The following PHF14 variants were observed in gnomAD, a reference collection of about 807,000 sequenced individuals.
PHF14 encodes PHD finger protein 14.
PHF14 carries 55 observed loss-of-function variants against 117.9 expected under a neutral mutation model. The ratio of observed to expected loss-of-function variants is 0.47; its 90% CI spans 0.38 to 0.58. PHF14 has a LOEUF of 0.58. Among genes scored for constraint, PHF14 ranks in the 20% least tolerant of loss-of-function variants. The probability of loss-of-function intolerance (pLI) is 0.00; values close to 1 mark genes in which losing one functional copy is unlikely to be tolerated. For synonymous variants in PHF14, 409 were observed against 368.6 expected (o/e 1.11, Z -1.26); for missense variants, 978 against 1,122.2 (o/e 0.87, Z 1.84).
rs780512816 is a variant in PHF14, at chr7:11,038,842, G to A, written c.2063G>A (p.Arg688Lys). ...EGQGIWALLG[R>K]ITGQKLNIPA... ...CAAGGAATATGGGCTTTACTAGGCA[G>A]AATCACAGGGCAGGTTAGTTTCTTT... The change falls in exon 11 of 18, where the codon AGA becomes AAA. Residue 688 changes from arginine (R) to lysine (K), a missense_variant. Physicochemically the swap from Arg to Lys is conservative, Grantham distance 26. Around this residue, in one of 7 missense-constraint regions of PHF14, gnomAD observed 237 missense variants for 276.4 expected, o/e 0.86. Coordinates refer to ENST00000634607, the MANE Select transcript of PHF14 (RefSeq NM_001007157.2). 5.2e-6 allele frequency: 8 copies of A among 1,547,306 alleles called. No homozygotes were observed. The highest frequency in any genetic ancestry group is 1.7e-4 in the Middle Eastern group (1 of 5,816).
intron 10 of PHF14, among the ~76,000 whole-genome samples, chr7:11,038,447 A>T (rs1218727748): frequency 6.6e-6 from 1 of 150,862 alleles, no homozygotes; most frequent in Non-Finnish European, 1.5e-5. Flanking sequence ...AAAAAAAAAA[A>T]AATAGATCGA....
At chr7:11,100,969 T>G (rs1239006135) in intron 16 of PHF14, among the ~76,000 whole-genome samples, 1 of 151,908 alleles carries the variant, frequency 6.6e-6, no homozygotes, top group Non-Finnish European at 1.5e-5. Context: ...TGTGCATCAG[T>G]GAAGCCCTTT....
intron 17 of PHF14, among the ~76,000 whole-genome samples, chr7:11,140,232 C>T (rs141607553): frequency 5.1e-4 from 77 of 152,182 alleles, no homozygotes; most frequent in African/African-American, 1.7e-3. Context: ...ACGACCCTAC[C>T]GTATATACAC....
chr7:11,073,919 C>A (rs1346284155), intron 16 of PHF14, among the ~76,000 whole-genome samples: 1 of 152,156 alleles, frequency 6.6e-6, no homozygotes, highest in Non-Finnish European at 1.5e-5. Flanking sequence ...ACCTGGGGCT[C>A]TGTGCATCAG....
chr7:11,016,987 T>G (rs1428135793), intron 5 of PHF14, among the ~76,000 whole-genome samples: 1 of 152,186 alleles, frequency 6.6e-6, no homozygotes, highest in Admixed American at 6.6e-5. Context: ...CACAAATAAG[T>G]GAGAACATGT....
intron 13 of PHF14, among the ~76,000 whole-genome samples, chr7:11,045,590 A>G (rs900104574): frequency 2.6e-5 from 4 of 152,194 alleles, no homozygotes; most frequent in African/African-American, 9.7e-5. Context: ...TTCCAGTACC[A>G]GCACTGTTTT....
chr7:11,084,882 C>T (rs1432093727), intron 16 of PHF14, among the ~76,000 whole-genome samples: 1 of 151,940 alleles, frequency 6.6e-6, no homozygotes, highest in Admixed American at 6.6e-5. Context: ...CTGTGAATTG[C>T]CTTTCCATAT....
chr7:11,040,650 C>T, intron 11 of PHF14, 22 bp from the exon 12 acceptor site: 1 of 1,295,150 alleles, frequency 7.7e-7, no homozygotes, highest in East Asian at 2.6e-5. Flanking sequence ...ACAATATATA[C>T]TACATTTGTT....
chr7:10,989,290 A>G (rs1782360209), intron 3 of PHF14, among the ~76,000 whole-genome samples: 1 of 152,314 alleles, frequency 6.6e-6, no homozygotes, highest in East Asian at 1.9e-4. Flanking sequence ...TGCTGTTGAA[A>G]TGATGGCTCC....
chr7:11,054,487 C>T (rs949229366), intron 14 of PHF14, among the ~76,000 whole-genome samples: 1 of 152,050 alleles, frequency 6.6e-6, no homozygotes, highest in Admixed American at 6.6e-5. Flanking sequence ...ATGAGAGATA[C>T]AGAAGGGAGT....
chr7:11,134,698 G>A (rs113238518), intron 17 of PHF14, among the ~76,000 whole-genome samples: 1 of 152,100 alleles, frequency 6.6e-6, no homozygotes, highest in Non-Finnish European at 1.5e-5. Context: ...TCATTTATTG[G>A]TTCAGTCTAT....
intron 16 of PHF14, among the ~76,000 whole-genome samples, chr7:11,079,490 AAT>A: frequency 6.6e-6 from 1 of 152,194 alleles, no homozygotes; most frequent in South Asian, 2.1e-4. Flanking sequence ...GATGTTCTGG[AAT>A]AATAGTAACA....
chr7:11,163,232 T>C (rs571599618), intron 17 of PHF14, among the ~76,000 whole-genome samples: 48 of 152,194 alleles, frequency 3.2e-4, no homozygotes, highest in Non-Finnish European at 5.3e-4. Context: ...GTGACTTTAA[T>C]TTCATAATAT....
At chr7:11,104,952 C>T in intron 16 of PHF14, 1 of 944,978 alleles carries the variant, frequency 1.1e-6, no homozygotes, top group Non-Finnish European at 1.3e-6. Flanking sequence ...CTTAAAAGGT[C>T]CCTTAGATTT....
chr7:11,053,496 A>G (rs1562442041), intron 14 of PHF14, among the ~76,000 whole-genome samples: 1 of 152,078 alleles, frequency 6.6e-6, no homozygotes, highest in Non-Finnish European at 1.5e-5. Flanking sequence ...TATTTCTAAA[A>G]TATTTTCTAT....
intron 12 of PHF14, among the ~76,000 whole-genome samples, chr7:11,041,468 A>G (rs1302236364): frequency 1.3e-5 from 2 of 151,524 alleles, no homozygotes; most frequent in African/African-American, 2.4e-5. Flanking sequence ...ATATTTATCT[A>G]TGTATATGCA....
At chr7:11,148,365 G>A (rs928394927) in intron 17 of PHF14, among the ~76,000 whole-genome samples, 38 of 152,196 alleles carry the variant, frequency 2.5e-4, no homozygotes, top group African/African-American at 8.9e-4. Flanking sequence ...TACATGCTGT[G>A]CTCTTTTCTA....
intron 16 of PHF14, among the ~76,000 whole-genome samples, chr7:11,083,376 G>A (rs79490106): frequency 0.016 from 2,420 of 151,210 alleles, 68 homozygotes; most frequent in East Asian, 0.11. Flanking sequence ...TGTGCACACC[G>A]TCTCTCTTTC....
At chr7:11,095,767 T>C (rs908837444) in intron 16 of PHF14, among the ~76,000 whole-genome samples, 1 of 152,174 alleles carries the variant, frequency 6.6e-6, no homozygotes, top group African/African-American at 2.4e-5. Context: ...TGATAATCCC[T>C]GCATGATGTA....
Sources: allele counts gnomAD v4.1 joint callset (sites outside exome capture counted in the v4.1 genomes callset), GRCh38; gene constraint gnomAD v4.1.1; regional missense constraint gnomAD v4.1.1; transcripts MANE v1.5; gene names NCBI Gene and HGNC (gene_info 2026-07-23, HGNC 2026-07-21).